The following PKHD1L1 variants were observed in gnomAD, a reference collection of about 807,000 sequenced individuals.
PKHD1L1 encodes fibrocystin-L.
Under a neutral mutation model 462.9 loss-of-function variants are expected in PKHD1L1, and 434 were observed. The observed-to-expected ratio is 0.94, with a 90% CI of 0.87 to 1.02. PKHD1L1 has a LOEUF of 1.02. Among genes scored for constraint, PKHD1L1 ranks in the 50% least tolerant of loss-of-function variants. PKHD1L1 has a pLI of 0.00. For missense variants in PKHD1L1, 5,202 were observed against 5,096.1 expected, an observed-to-expected ratio of 1.02 and a Z score of -0.63; for synonymous variants, 1,781 against 1,750.0, an observed-to-expected ratio of 1.02 and a Z score of -0.44.
chr8:109,461,956 A>G (rs1190024735), intron 48 of PKHD1L1, 48 bp downstream of exon 48: 5 of 1,548,948 alleles, frequency 3.2e-6, no homozygotes, highest in African/African-American at 1.4e-5. Context: ...AAGGTTATCC[A>G]TACAAGAAAT....
At position 109,433,188 on chromosome 8, in the gene PKHD1L1, A is replaced by G. The variant is rs767706465; in HGVS notation, c.3312A>G (p.Pro1104=). 1 of 1,613,330 alleles carries G rather than the reference A, an allele frequency of 6.2e-7. No homozygotes were observed. The highest frequency in any genetic ancestry group is 1.7e-5 in the Admixed American group (1 of 60,012). ...PSSAVTVSVG[P]VGCSLLSVDE... ...CAGCTGTAACAGTCTCAGTTGGACC[A>G]GTAGGTTGTTCTCTTCTTTCTGTGG... Residue 1104 remains proline, a synonymous_variant, in exon 28 of 78, where the codon CCA becomes CCG. Transcript: ENST00000378402.
chr8:109,435,653 A>T (rs1316520275), intron 29 of PKHD1L1, among the ~76,000 whole-genome samples: 1 of 152,208 alleles, frequency 6.6e-6, no homozygotes, highest in East Asian at 1.9e-4. Context: ...ATTAGTTATT[A>T]TTCTGCTTAC....
Position 109,385,542 on chromosome 8 carries a change from CTA to C in PKHD1L1, c.482_483del (p.Leu161HisfsTer10). 6.3e-7 allele frequency: 1 copy of C among 1,591,104 alleles called. No homozygotes were observed. Among genetic ancestry groups the C allele is most frequent in the African/African-American group, 1.3e-5 (1 of 74,094 alleles). ...ITPLSGTPGT[L>X]ITIQGRIFTD... ...GGGTTTTTGTTTGTTTTCAGGTACA[CTA>C]ATAACAATCCAAGGCAGAATCTTCA... On this transcript the variant is annotated frameshift_variant, in exon 6 of 78. Transcript: ENST00000378402. LOFTEE classifies it high-confidence loss of function.
intron 45 of PKHD1L1, 114 bp from the exon 46 acceptor site, chr8:109,456,148 T>C: frequency 1.8e-6 from 2 of 1,106,464 alleles, no homozygotes. Flanking sequence ...AATGCTAAGG[T>C]AAAATGAGCC....
Position 109,415,864 on chromosome 8 carries a change from G to GGTGTGTGTGT in PKHD1L1, c.2360+2352_2360+2361dup, listed in dbSNP as rs552265043. On this transcript the variant is annotated intron_variant, in intron 21 of 77. Coordinates refer to ENST00000378402, the MANE Select transcript of PKHD1L1 (RefSeq NM_177531.6). ...CCTTGTCTTAAAAAAAAAAAAAAGG[G>GGTGTGTGTGT]GTGTGTGTGTGTGTGTGTGTGTGTG... 3.4e-3 allele frequency among the ~76,000 whole-genome samples: 342 copies of GGTGTGTGTGT among 100,410 alleles called. 2 individuals carry two copies. Among genetic ancestry groups the GGTGTGTGTGT allele is most frequent in the African/African-American group, 0.011 (302 of 28,752 alleles). 65.9% of individuals were successfully genotyped at this position (100,410 alleles called of 152,430 possible).
intron 2 of PKHD1L1, among the ~76,000 whole-genome samples, chr8:109,367,117 A>G (rs1811272416): frequency 6.6e-6 from 1 of 152,242 alleles, no homozygotes; most frequent in Non-Finnish European, 1.5e-5. Context: ...AATAAATGCT[A>G]TTTTAATGTA....
intron 68 of PKHD1L1, among the ~76,000 whole-genome samples, chr8:109,506,487 C>T (rs1461470831): frequency 6.6e-6 from 1 of 152,168 alleles, no homozygotes; most frequent in Non-Finnish European, 1.5e-5. Context: ...TCTTCTCCCC[C>T]TTTTGAGAGG....
At chr8:109,497,589 G>C (rs1819177719) in intron 65 of PKHD1L1, among the ~76,000 whole-genome samples, 1 of 151,898 alleles carries the variant, frequency 6.6e-6, no homozygotes, top group Admixed American at 6.6e-5. Flanking sequence ...ACCACGCCTG[G>C]CTAATTTTTT....
At chr8:109,517,941 A>G (rs1820356148) in intron 72 of PKHD1L1, among the ~76,000 whole-genome samples, 1 of 152,144 alleles carries the variant, frequency 6.6e-6, no homozygotes, top group South Asian at 2.1e-4. Context: ...TTTAAAAAAC[A>G]AACAATGTGT....
Position 109,445,388 on chromosome 8 carries a change from C to T in PKHD1L1, c.5519C>T (p.Ser1840Phe), listed in dbSNP as rs1816076427. 2 of 1,613,824 alleles carry T rather than the reference C, an allele frequency of 1.2e-6. No homozygotes were observed. The highest frequency in any genetic ancestry group is 1.7e-5 in the Admixed American group (1 of 59,986). ...CCAGTAGCATCTCTATCACCAACTT[C>T]TGGAAGCATTGGTGGTGGAACTACA... ...SPPVASLSPT[S>F]GSIGGGTTLV... The change falls in exon 38 of 78, where the codon TCT becomes TTT. Residue 1840 changes from serine to phenylalanine, a missense_variant. Ser to Phe is a radical substitution (Grantham distance 155, BLOSUM62 -2). Coordinates refer to ENST00000378402, the MANE Select transcript of PKHD1L1 (RefSeq NM_177531.6).
chr8:109,413,296 T>G (rs1474815331), intron 20 of PKHD1L1, 125 bp from the exon 21 acceptor site: 1 of 634,712 alleles, frequency 1.6e-6, no homozygotes, highest in African/African-American at 1.9e-5. Flanking sequence ...TATTTCTCTG[T>G]GTTCTGGTAC....
intron 38 of PKHD1L1, 27 bp from the exon 39 acceptor site, chr8:109,448,116 A>C: frequency 6.5e-7 from 1 of 1,543,460 alleles, no homozygotes; most frequent in African/African-American, 1.4e-5. Context: ...AGATATATTT[A>C]TATTGTGTGC....
intron 26 of PKHD1L1, 51 bp from the exon 27 acceptor site, chr8:109,429,881 A>G: frequency 2.5e-6 from 3 of 1,190,338 alleles, no homozygotes; most frequent in Middle Eastern, 3.8e-4. Context: ...TTCATATTCT[A>G]CTGCTGCCTC....
chr8:109,535,015 T>C lies in PKHD1L1; in HGVS notation c.*4925T>C, dbSNP rs1411030495. Among the ~76,000 whole-genome samples the C allele has an allele frequency of 6.6e-6, 1 of 152,156 alleles. No homozygotes were observed. Among genetic ancestry groups the C allele is most frequent in the Admixed American group, 6.5e-5 (1 of 15,276 alleles). ...AATAAACTTTCTGATAAACCAATGA[T>C]TGGGTAGCATGATGAAACTTTTCCT... is the stretch of plus-strand genomic sequence containing the variant. On this transcript the variant is annotated 3_prime_UTR_variant, in exon 78 of 78. Coordinates refer to ENST00000378402, the MANE Select transcript of PKHD1L1 (RefSeq NM_177531.6).
At position 109,443,016 on chromosome 8, in the gene PKHD1L1, C is replaced by T. The variant is rs1815898548; in HGVS notation, c.4464C>T (p.His1488=). ...GCAGCGGGTATGTTGATGAGGCTCA[C>T]TCCATTTTTCTCCAAGGAGTCATTA... is the stretch of plus-strand genomic sequence containing the variant. ...YYSSGYVDEA[H]SIFLQGVINV... is the part of the protein sequence containing the mutation. The change falls in exon 36 of 78, where the codon CAC becomes CAT. Residue 1488 remains histidine, a synonymous_variant. Transcript: ENST00000378402. The T allele has an allele frequency of 3.1e-6, 5 of 1,613,686 alleles. No individual in the cohort carries two copies. Among genetic ancestry groups the T allele is most frequent in the Non-Finnish European group, 4.2e-6 (5 of 1,179,668 alleles).
Position 109,497,263 on chromosome 8 carries a change from A to G in PKHD1L1, c.10590A>G (p.Val3530=). ...AISHKISSKN[V]QIKSSLIVGS... Reference sequence around the variant, plus strand: ...CACACAAAATTTCCAGTAAAAATGTACAAATTAAGGTAAGAAATTAATACA... The same window carrying G: ...CACACAAAATTTCCAGTAAAAATGTGCAAATTAAGGTAAGAAATTAATACA... The change falls in exon 65 of 78, where the codon GTA becomes GTG. Residue 3530 remains valine, a synonymous_variant. Coordinates refer to ENST00000378402, the MANE Select transcript of PKHD1L1 (RefSeq NM_177531.6). 1.2e-6 allele frequency: 2 copies of G among 1,613,358 alleles called. No individual in the cohort carries two copies. Among genetic ancestry groups the G allele is most frequent in the South Asian group, 1.1e-5 (1 of 91,034 alleles).
intron 67 of PKHD1L1, 144 bp from the exon 68 acceptor site, chr8:109,504,183 T>C (rs73700607): frequency 0.021 from 10,304 of 488,246 alleles, 509 homozygotes; most frequent in African/African-American, 0.14. Flanking sequence ...CTACAACAAA[T>C]AGTGGTAGAC....
chr8:109,480,158 T>C lies in PKHD1L1; in HGVS notation c.9327+19T>C. Reference sequence around the variant, plus strand: ...ACTGCAGGTAAGAGTGAGGGCCTTGTAGTTTATATCTTTATTAATCTAATT... The same window carrying C: ...ACTGCAGGTAAGAGTGAGGGCCTTGCAGTTTATATCTTTATTAATCTAATT... On this transcript the variant is annotated intron_variant, in intron 55 of 77. Transcript: ENST00000378402. 6.6e-7 allele frequency: 1 copy of C among 1,525,294 alleles called. No individual in the cohort carries two copies. 94.5% of individuals were successfully genotyped at this position (1,525,294 alleles called of 1,614,324 possible).
At chr8:109,467,177 G>A (rs1817487572) in intron 50 of PKHD1L1, among the ~76,000 whole-genome samples, 1 of 152,072 alleles carries the variant, frequency 6.6e-6, no homozygotes, top group Non-Finnish European at 1.5e-5. Flanking sequence ...TTACTGATTT[G>A]TTCCGGTAAA....
Sources: gnomAD v4.1 joint callset for allele counts (sites outside exome capture counted in the v4.1 genomes callset) on GRCh38, gnomAD v4.1.1 for gene constraint, MANE v1.5 for transcripts, NCBI Gene and HGNC (gene_info 2026-07-23, HGNC 2026-07-21) for gene names.